The following RXRA variants were observed in gnomAD, a reference collection of about 807,000 sequenced individuals.
The protein encoded by RXRA is retinoic acid receptor RXR-alpha.
RXRA carries 5 observed loss-of-function variants against 44.5 expected under a neutral mutation model. The ratio of observed to expected loss-of-function variants is 0.11; its 90% CI spans 0.06 to 0.24. The LOEUF is 0.24. RXRA is among the 10% of genes least tolerant of loss of function. The pLI, the probability that RXRA is intolerant of heterozygous loss-of-function variation, is 1.00. For synonymous variants in RXRA, 291 were observed against 271.4 expected, an observed-to-expected ratio of 1.07 and a Z score of -0.71; for missense variants, 412 against 646.5, an observed-to-expected ratio of 0.64 and a Z score of 3.93.
chr9:134,364,663 C>G (rs1251875732), intron 1 of RXRA, among the ~76,000 whole-genome samples: 1 of 152,106 alleles, frequency 6.6e-6, no homozygotes, highest in African/African-American at 2.4e-5. Context: ...CCTGGGTGCT[C>G]TGTGGCTCCC....
rs1830413735 is a variant in RXRA at position 134,366,291 on chromosome 9, G to A, written c.29-35341G>A. Among the ~76,000 whole-genome samples the A allele has an allele frequency of 1.3e-5, 2 of 151,946 alleles. No homozygotes were observed. The highest frequency in any genetic ancestry group is 4.8e-5 in the African/African-American group (2 of 41,276). On this transcript the variant is annotated intron_variant, in intron 1 of 9. Coordinates refer to ENST00000481739, the MANE Select transcript of RXRA (RefSeq NM_002957.6). The surrounding 1 kb of genome is among the most constrained non-coding windows in gnomAD (Gnocchi z 5.9). The stretch of plus-strand genomic sequence containing the variant: ...ATGTGTGCCCAGGAGGAGTGCCACA[G>A]CCTCTCCCTCTGCCCACCCCCCCCA...
intron 1 of RXRA, among the ~76,000 whole-genome samples, chr9:134,369,944 C>T (rs1168226143): frequency 1.3e-5 from 2 of 152,188 alleles, no homozygotes; most frequent in Non-Finnish European, 2.9e-5. Flanking sequence ...GAGCTCGCCA[C>T]GGAGTCTGCC....
At position 134,426,010 on chromosome 9, in the gene RXRA, G is replaced by C. The variant is rs35845782; in HGVS notation, c.911-3098G>C. On this transcript the variant is annotated intron_variant, in intron 6 of 9. Transcript: ENST00000481739. This position sits in a 1 kb window ranked among gnomAD's most constrained non-coding sequence, Gnocchi z 4.6. ...ACTCTGTGCTGTTCCTTCCGGAAGC[G>C]CTGTCCAGGGGTCCTGCAACCCCAG... The C allele has an allele frequency of 1.0e-6, 1 of 984,784 alleles. No individual in the cohort carries two copies. The highest frequency in any genetic ancestry group is 1.1e-4 in the East Asian group (1 of 8,820). The allele number at this position is 984,784 out of a possible 1,614,324, so 61.0% of individuals were successfully genotyped here.
At chr9:134,423,625 G>T (rs543882639) in intron 6 of RXRA, 1 of 985,454 alleles carries the variant, frequency 1.0e-6, no homozygotes, top group Non-Finnish European at 1.2e-6. Flanking sequence ...ACTTAATCCC[G>T]CTGGCCTCGT....
intron 1 of RXRA, among the ~76,000 whole-genome samples, chr9:134,386,910 A>T (rs1392383164): frequency 2.0e-5 from 3 of 152,170 alleles, no homozygotes; most frequent in East Asian, 1.9e-4. Flanking sequence ...TTTAAAGATG[A>T]GGAAACTGAG....
At chr9:134,435,851 C>T (rs766609956) in intron 9 of RXRA, among the ~76,000 whole-genome samples, 1 of 152,196 alleles carries the variant, frequency 6.6e-6, no homozygotes, top group Non-Finnish European at 1.5e-5. Context: ...ACACCCGCTC[C>T]CGGCTGTCAT....
chr9:134,397,892 G>A (rs1003532336), intron 1 of RXRA, among the ~76,000 whole-genome samples: 2 of 152,248 alleles, frequency 1.3e-5, no homozygotes, highest in African/African-American at 4.8e-5. Flanking sequence ...TGTCCCTGTG[G>A]TTTGGGGGTG....
chr9:134,380,262 G>A, intron 1 of RXRA: 1 of 910,376 alleles, frequency 1.1e-6, no homozygotes, highest in Non-Finnish European at 1.3e-6. Flanking sequence ...GGGTGGCCGG[G>A]GCACTGTGAG....
chr9:134,404,750 C>G (rs1831022526), intron 2 of RXRA: 1 of 152,450 alleles, frequency 6.6e-6, no homozygotes, highest in South Asian at 2.1e-4. Context: ...TTGCTCCTGC[C>G]TCGATGGACA....
intron 5 of RXRA, among the ~76,000 whole-genome samples, chr9:134,418,202 C>T (rs1259803348): frequency 6.6e-6 from 1 of 152,182 alleles, no homozygotes; most frequent in Non-Finnish European, 1.5e-5. Context: ...CCACCTGTCC[C>T]AGGCCCCACT....
chr9:134,342,177 A>G lies in RXRA; in HGVS notation c.28+15518A>G, dbSNP rs1554748170. On this transcript the variant is annotated intron_variant, in intron 1 of 9. Transcript: ENST00000481739. This position sits in a 1 kb window ranked among gnomAD's most constrained non-coding sequence, Gnocchi z 4.4. ...TGGGTAGTGAGTTCTGAACTGTGAG[A>G]TCAGGCTGGAGAAAGCCCTGGACCC... Among the ~76,000 whole-genome samples the G allele has an allele frequency of 6.6e-6, 1 of 151,974 alleles. No homozygotes were observed.
At chr9:134,410,732 C>G (rs1228294836) in intron 4 of RXRA, among the ~76,000 whole-genome samples, 1 of 152,172 alleles carries the variant, frequency 6.6e-6, no homozygotes, top group Non-Finnish European at 1.5e-5. Flanking sequence ...CGTGTGCAGC[C>G]TTAGCCTGGC....
At chr9:134,359,949 C>T (rs1830328957) in intron 1 of RXRA, among the ~76,000 whole-genome samples, 1 of 152,312 alleles carries the variant, frequency 6.6e-6, no homozygotes, top group South Asian at 2.1e-4. Context: ...CTTTCCTTGC[C>T]CCACCTAGGA....
intron 1 of RXRA, among the ~76,000 whole-genome samples, chr9:134,353,766 C>A (rs1241509872): frequency 6.6e-6 from 1 of 152,232 alleles, no homozygotes; most frequent in East Asian, 1.9e-4. Flanking sequence ...TGGTTGGCCT[C>A]CAGGCCTGGG....
intron 1 of RXRA, among the ~76,000 whole-genome samples, chr9:134,331,881 C>CTGCCCCTG (rs1554746693): frequency 6.6e-6 from 1 of 152,222 alleles, no homozygotes; most frequent in Non-Finnish European, 1.5e-5. Context: ...TGCCTCTCAG[C>CTGCCCCTG]ATCCTCAGAG....
Position 134,342,179 on chromosome 9 carries a change from C to T in RXRA, c.28+15520C>T, listed in dbSNP as rs1485143804. On this transcript the variant is annotated intron_variant, in intron 1 of 9. Coordinates refer to ENST00000481739, the MANE Select transcript of RXRA (RefSeq NM_002957.6). The surrounding 1 kb of genome is among the most constrained non-coding windows in gnomAD (Gnocchi z 4.4). ...GGTAGTGAGTTCTGAACTGTGAGAT[C>T]AGGCTGGAGAAAGCCCTGGACCCAC... Among the ~76,000 whole-genome samples, 1 of 152,122 alleles carries T rather than the reference C, an allele frequency of 6.6e-6. No homozygotes were observed. The highest frequency in any genetic ancestry group is 1.5e-5 in the Non-Finnish European group (1 of 68,004).
At position 134,342,639 on chromosome 9, in the gene RXRA, G is replaced by A. The variant is rs1346778438; in HGVS notation, c.28+15980G>A. Among the ~76,000 whole-genome samples, 1 of 152,164 alleles carries A rather than the reference G, an allele frequency of 6.6e-6. No individual in the cohort carries two copies. Among genetic ancestry groups the A allele is most frequent in the Non-Finnish European group, 1.5e-5 (1 of 68,008 alleles). On this transcript the variant is annotated intron_variant, in intron 1 of 9. Coordinates refer to ENST00000481739, the MANE Select transcript of RXRA (RefSeq NM_002957.6). The surrounding 1 kb of genome is among the most constrained non-coding windows in gnomAD (Gnocchi z 4.4). ...AGCCCAGGCAGGTGGTGGGGCTGCG[G>A]GGCTGCGGGAGGAGGCCCCTGTGGT...
At chr9:134,364,050 C>T (rs1428891674) in intron 1 of RXRA, among the ~76,000 whole-genome samples, 6 of 152,160 alleles carry the variant, frequency 3.9e-5, no homozygotes, top group Non-Finnish European at 8.8e-5. Context: ...GGTGGGCATA[C>T]CGGGTCTGCA....
chr9:134,384,074 C>T (rs1830683860), intron 1 of RXRA, among the ~76,000 whole-genome samples: 1 of 152,134 alleles, frequency 6.6e-6, no homozygotes, highest in South Asian at 2.1e-4. Flanking sequence ...TCCACACTGT[C>T]ACTCAGGTGG....
Sources: gnomAD v4.1 joint callset for allele counts (sites outside exome capture counted in the v4.1 genomes callset) on GRCh38, gnomAD v4.1.1 for gene constraint, Gnocchi (gnomAD v3.1) non-coding constraint, MANE v1.5 for transcripts, NCBI Gene and HGNC (gene_info 2026-07-23, HGNC 2026-07-21) for gene names.